LRP1B: variants seen among roughly 807,000 people sequenced by gnomAD.
LRP1B encodes the protein low-density lipoprotein receptor-related protein 1B.
LRP1B carries 217 observed loss-of-function variants against 556.6 expected under a neutral mutation model. The observed-to-expected ratio is 0.39, with a 90% CI of 0.35 to 0.44. The LOEUF is 0.44. Among genes scored for constraint, LRP1B ranks in the 20% least tolerant of loss-of-function variants. The pLI is 1.00. For missense variants in LRP1B, 5,053 were observed against 5,620.8 expected, an observed-to-expected ratio of 0.90 and a Z score of 3.23; for synonymous variants, 2,047 against 1,865.8, an observed-to-expected ratio of 1.10 and a Z score of -2.50.
chr2:141,592,267 T>C (rs1187831775), intron 2 of LRP1B, among the ~76,000 whole-genome samples: 1 of 152,204 alleles, frequency 6.6e-6, no homozygotes, highest in African/African-American at 2.4e-5. Context: ...CTAGATAGCT[T>C]ATACGTGACA....
At chr2:140,933,049 G>A (rs754657226) in intron 20 of LRP1B, among the ~76,000 whole-genome samples, 2 of 151,668 alleles carry the variant, frequency 1.3e-5, no homozygotes, top group Non-Finnish European at 2.9e-5. Context: ...GATGCTTTTA[G>A]GCATCAAAGT....
intron 35 of LRP1B, among the ~76,000 whole-genome samples, chr2:140,732,507 A>T (rs1687813011): frequency 6.6e-6 from 1 of 152,090 alleles, no homozygotes; most frequent in Non-Finnish European, 1.5e-5. Flanking sequence ...TATTCACATG[A>T]GCTAGGTTTT....
chr2:141,944,761 A>G (rs1465836267), intron 1 of LRP1B, among the ~76,000 whole-genome samples: 1 of 152,196 alleles, frequency 6.6e-6, no homozygotes, highest in East Asian at 1.9e-4. Flanking sequence ...ATATTTGAAA[A>G]TAAGTCACGA....
At chr2:140,416,073 C>T (rs146430601) in intron 66 of LRP1B, among the ~76,000 whole-genome samples, 3,158 of 152,204 alleles carry the variant, frequency 0.021, 43 homozygotes, top group Middle Eastern at 0.075. Flanking sequence ...CAGCAGGAGG[C>T]GAGTGGCAGG....
chr2:141,369,263 A>T (rs988097714), intron 3 of LRP1B, among the ~76,000 whole-genome samples: 2 of 152,158 alleles, frequency 1.3e-5, no homozygotes, highest in African/African-American at 4.8e-5. Context: ...TTTTCTAATC[A>T]AAACAGTGAG....
intron 43 of LRP1B, among the ~76,000 whole-genome samples, chr2:140,556,412 A>C (rs1680735170): frequency 6.6e-6 from 1 of 151,968 alleles, no homozygotes; most frequent in South Asian, 2.1e-4. Context: ...AGTTCCCCCC[A>C]CAGTCTAGTA....
rs756346719 is a variant in LRP1B, at chr2:140,457,546, G to A, written c.9731C>T (p.Ser3244Leu). The change falls in exon 61 of 91, where the codon TCG becomes TTG. Residue 3244 changes from serine (S) to leucine (L), a missense_variant. By Grantham distance (145) the Ser-to-Leu change is moderately radical. Coordinates refer to ENST00000389484, the MANE Select transcript of LRP1B (RefSeq NM_018557.3). ...TKSLSRAHKT[S>L]GADRLSLIYS... Reference sequence around the variant, plus strand: ...AATCAGTGAGAGTCTGTCTGCTCCCGATGTTTTATGGGCACGGCTGAGTGA... The same window carrying A: ...AATCAGTGAGAGTCTGTCTGCTCCCAATGTTTTATGGGCACGGCTGAGTGA... 4.7e-5 allele frequency: 76 copies of A among 1,613,642 alleles called. No homozygotes were observed. Among genetic ancestry groups the A allele is most frequent in the Admixed American group, 1.5e-4 (9 of 59,966 alleles).
intron 35 of LRP1B, among the ~76,000 whole-genome samples, chr2:140,760,827 TGCAGTGA>T (rs1688895417): frequency 6.6e-6 from 1 of 151,936 alleles, no homozygotes; most frequent in Non-Finnish European, 1.5e-5. Flanking sequence ...AGGCGGAAGT[TGCAGTGA>T]GCTGAGATCA....
chr2:140,702,118 A>G (rs750541466), intron 39 of LRP1B, 23 bp downstream of exon 39: 2 of 1,609,948 alleles, frequency 1.2e-6, no homozygotes, highest in Admixed American at 1.7e-5. Context: ...TGAGACTCAA[A>G]TACTTATGAA....
At chr2:141,911,976 T>G (rs1405923652) in intron 1 of LRP1B, among the ~76,000 whole-genome samples, 1 of 152,210 alleles carries the variant, frequency 6.6e-6, no homozygotes, top group African/African-American at 2.4e-5. Context: ...CAATTGTCAG[T>G]ATTCTAATGA....
intron 2 of LRP1B, among the ~76,000 whole-genome samples, chr2:141,715,560 A>G (rs1574276094): frequency 6.6e-6 from 1 of 152,282 alleles, no homozygotes; most frequent in Admixed American, 6.5e-5. Flanking sequence ...CACACCTGTA[A>G]TCCCAGCGCT....
At chr2:141,449,088 C>A (rs540396905) in intron 3 of LRP1B, among the ~76,000 whole-genome samples, 1 of 152,174 alleles carries the variant, frequency 6.6e-6, no homozygotes, top group African/African-American at 2.4e-5. Context: ...ATCTTCCTTT[C>A]CTTAACTTAA....
At chr2:140,611,407 A>G (rs181455717) in intron 41 of LRP1B, among the ~76,000 whole-genome samples, 195 of 152,272 alleles carry the variant, frequency 1.3e-3, no homozygotes, top group Non-Finnish European at 2.4e-3. Flanking sequence ...TCAAATTTTG[A>G]TGGTATAATG....
chr2:141,139,781 A>ATGTG (rs58413685), intron 7 of LRP1B, among the ~76,000 whole-genome samples: 11,163 of 147,936 alleles, frequency 0.075, 514 homozygotes, highest in Non-Finnish European at 0.1. Context: ...CATTGGAAAA[A>ATGTG]TGTGTGTGTG....
rs560218333 is a variant in LRP1B at position 140,664,527 on chromosome 2, G to A, written c.6799+35723C>T. ...GGAAAATAATTTATTTTTTAAAATA[G>A]GAAAGCATCTTTTATAAAGTTTAAT... On this transcript the variant is annotated intron_variant, in intron 41 of 90. Coordinates refer to ENST00000389484, the MANE Select transcript of LRP1B (RefSeq NM_018557.3). Among the ~76,000 whole-genome samples the A allele has an allele frequency of 4.6e-5, 7 of 152,134 alleles. No individual in the cohort carries two copies. In the South Asian group the frequency reaches 1.2e-3, roughly 27 times the overall value.
chr2:140,637,049 A>C (rs1187821293), intron 41 of LRP1B, among the ~76,000 whole-genome samples: 3 of 152,214 alleles, frequency 2.0e-5, no homozygotes, highest in Non-Finnish European at 4.4e-5. Flanking sequence ...TTGGACCAAA[A>C]AGTGAAATGC....
Position 141,262,445 on chromosome 2 carries a change from T to C in LRP1B, c.344-7804A>G, listed in dbSNP as rs1429196306. On this transcript the variant is annotated intron_variant, in intron 3 of 90. Coordinates refer to ENST00000389484, the MANE Select transcript of LRP1B (RefSeq NM_018557.3). ...CAATTTCAAAGAAAAAAATCTTACA[T>C]TTCATAAAATCAAATCTCAATATAT... is the stretch of plus-strand genomic sequence containing the variant. Among the ~76,000 whole-genome samples the C allele has an allele frequency of 3.3e-5, 5 of 152,288 alleles. No individual in the cohort carries two copies. The East Asian group carries it at 9.6e-4, about 29-fold the overall frequency.
At chr2:141,860,803 T>A (rs1698214567) in intron 1 of LRP1B, among the ~76,000 whole-genome samples, 1 of 152,174 alleles carries the variant, frequency 6.6e-6, no homozygotes. Flanking sequence ...TCTAGAGCAT[T>A]TTGATATGTA....
chr2:140,619,571 C>T (rs1188003193), intron 41 of LRP1B, among the ~76,000 whole-genome samples: 1 of 152,056 alleles, frequency 6.6e-6, no homozygotes, highest in Admixed American at 6.6e-5. Context: ...ACTGAGTGAC[C>T]AAGTGGGAGT....
Sources: allele counts gnomAD v4.1 joint callset (sites outside exome capture counted in the v4.1 genomes callset), GRCh38; gene constraint gnomAD v4.1.1; transcripts MANE v1.5; gene names NCBI Gene and HGNC (gene_info 2026-07-23, HGNC 2026-07-21).